The following WDR49 variants were observed in gnomAD, a reference collection of about 807,000 sequenced individuals.
WDR49 encodes the protein WD repeat domain 49.
Under a neutral mutation model 119.5 loss-of-function variants are expected in WDR49, and 107 were observed. That is an observed-to-expected ratio of 0.90 (90% CI 0.77 to 1.05). WDR49 has a LOEUF of 1.05. WDR49 is among the 50% of genes least tolerant of loss of function. The pLI is 0.00. For synonymous variants in WDR49, 425 were observed against 418.8 expected, an observed-to-expected ratio of 1.01 and a Z score of -0.18; for missense variants, 1,240 against 1,220.5, an observed-to-expected ratio of 1.02 and a Z score of -0.24.
intron 8 of WDR49, among the ~76,000 whole-genome samples, chr3:167,568,944 A>T (rs1053919091): frequency 6.2e-5 from 9 of 145,510 alleles, no homozygotes; most frequent in African/African-American, 2.3e-4. Flanking sequence ...ACTACAGTTA[A>T]TTTTTTTTTT....
chr3:167,483,131 T>C (rs939963211), intron 18 of WDR49, among the ~76,000 whole-genome samples: 8 of 152,152 alleles, frequency 5.3e-5, no homozygotes, highest in African/African-American at 1.9e-4. Context: ...AATGAATAAA[T>C]CTGCAACTGG....
chr3:167,616,697 T>C (rs531956823), intron 5 of WDR49, among the ~76,000 whole-genome samples: 2 of 152,196 alleles, frequency 1.3e-5, no homozygotes, highest in Admixed American at 6.5e-5. Flanking sequence ...CCAAGTTTAA[T>C]GAAAACTACA....
intron 5 of WDR49, among the ~76,000 whole-genome samples, chr3:167,608,696 G>T (rs1425300877): frequency 6.6e-6 from 1 of 152,162 alleles, no homozygotes; most frequent in Non-Finnish European, 1.5e-5. Flanking sequence ...GTAAGGAAAT[G>T]ATAGGTTATG....
intron 2 of WDR49, 57 bp downstream of exon 2, chr3:167,653,204 A>G: frequency 1.5e-5 from 22 of 1,515,484 alleles, no homozygotes; most frequent in Non-Finnish European, 1.9e-5. Flanking sequence ...TCTGTGTTTC[A>G]TTCTAGGCTC....
At chr3:167,494,526 G>A (rs1032887091) in intron 18 of WDR49, among the ~76,000 whole-genome samples, 4 of 152,048 alleles carry the variant, frequency 2.6e-5, no homozygotes, top group Admixed American at 6.6e-5. Flanking sequence ...TCAGAAGGCC[G>A]TGGAAGCAGT....
intron 8 of WDR49, among the ~76,000 whole-genome samples, chr3:167,569,023 AC>A (rs1266965799): frequency 6.6e-6 from 1 of 151,766 alleles, no homozygotes; most frequent in African/African-American, 2.4e-5. Flanking sequence ...GCTCACTGTA[AC>A]CTCTGGCTCC....
chr3:167,531,102 A>G lies in WDR49; in HGVS notation c.2218+13T>C. 1.2e-6 allele frequency: 2 copies of G among 1,602,792 alleles called. No homozygotes were observed. Among genetic ancestry groups the G allele is most frequent in the Middle Eastern group, 3.5e-4 (2 of 5,774 alleles). ...CTTTCCAACTATATGTAAAATGTAA[A>G]TATATATTTTACCTGTCACTGCAGT... is the stretch of plus-strand genomic sequence containing the variant. On this transcript the variant is annotated intron_variant, in intron 13 of 18. Coordinates refer to ENST00000682715, the MANE Select transcript of WDR49 (RefSeq NM_001366157.1).
rs1182401378 is a variant in WDR49, at chr3:167,620,610, A to C, written c.784-7T>G. The C allele has an allele frequency of 3.3e-6, 5 of 1,526,632 alleles. No individual in the cohort carries two copies. Among genetic ancestry groups the C allele is most frequent in the Non-Finnish European group, 4.4e-6 (5 of 1,141,234 alleles). The allele number at this position is 1,526,632 out of a possible 1,614,324, so 94.6% of individuals were successfully genotyped here. Reference sequence around the variant, plus strand: ...TGAAAGCAATTGCTTGAACCTTGACAGAGACATTGAAAGAACAACAATCGT... The same window carrying C: ...TGAAAGCAATTGCTTGAACCTTGACCGAGACATTGAAAGAACAACAATCGT... On this transcript the variant is annotated splice_polypyrimidine_tract_variant and splice_region_variant and intron_variant, in intron 4 of 18. Coordinates refer to ENST00000682715, the MANE Select transcript of WDR49 (RefSeq NM_001366157.1).
chr3:167,582,031 CGTGTGTGTGT>C (rs57233824), intron 7 of WDR49, among the ~76,000 whole-genome samples: 22 of 142,340 alleles, frequency 1.5e-4, no homozygotes, highest in Admixed American at 3.6e-4. Context: ...GGCATGCTTC[CGTGTGTGTGT>C]GTGTGTGTGT....
rs1364653678 is a variant in WDR49 at position 167,490,429 on chromosome 3, A to T, written c.3031+9724T>A. On this transcript the variant is annotated intron_variant, in intron 18 of 18. Transcript: ENST00000682715. ...TGTTCATTCTGGATGTTTAGTATCC[A>T]AAAGGTCCTGAGGTGAGCCATGTGT... is the stretch of plus-strand genomic sequence containing the variant. 2.6e-5 allele frequency among the ~76,000 whole-genome samples: 4 copies of T among 152,152 alleles called. No homozygotes were observed. In the East Asian group the frequency reaches 7.7e-4, roughly 29 times the overall value.
intron 2 of WDR49, among the ~76,000 whole-genome samples, chr3:167,634,682 A>G (rs1414191129): frequency 2.0e-5 from 3 of 151,238 alleles, no homozygotes; most frequent in African/African-American, 7.3e-5. Flanking sequence ...GCAAAACTTT[A>G]AAAAAAAACC....
At chr3:167,514,668 CA>C (rs1462355413) in intron 16 of WDR49, among the ~76,000 whole-genome samples, 39 of 141,474 alleles carry the variant, frequency 2.8e-4, no homozygotes, top group Middle Eastern at 3.7e-3. Context: ...CACACACACA[CA>C]CCCTTCAAAA....
intron 8 of WDR49, among the ~76,000 whole-genome samples, chr3:167,567,184 G>A (rs964425645): frequency 1.3e-5 from 2 of 152,210 alleles, no homozygotes; most frequent in Admixed American, 1.3e-4. Flanking sequence ...TAATCAGAAC[G>A]CTTCTGCCAG....
At chr3:167,573,494 T>C (rs1714061029) in intron 8 of WDR49, among the ~76,000 whole-genome samples, 1 of 151,488 alleles carries the variant, frequency 6.6e-6, no homozygotes, top group East Asian at 1.9e-4. Context: ...TAGGGAGACA[T>C]TAAAACACAA....
At chr3:167,591,680 G>A (rs557352758) in intron 7 of WDR49, among the ~76,000 whole-genome samples, 1 of 151,980 alleles carries the variant, frequency 6.6e-6, no homozygotes, top group Admixed American at 6.6e-5. Context: ...TATAGGTTTG[G>A]CCTGAAATCT....
chr3:167,541,216 A>G (rs962457582), intron 10 of WDR49, among the ~76,000 whole-genome samples: 1 of 152,302 alleles, frequency 6.6e-6, no homozygotes, highest in Admixed American at 6.5e-5. Context: ...TGGGAAATTC[A>G]TCACAAAAAG....
chr3:167,600,308 T>C (rs1715699943), intron 7 of WDR49, among the ~76,000 whole-genome samples: 1 of 152,072 alleles, frequency 6.6e-6, no homozygotes, highest in South Asian at 2.1e-4. Context: ...TTTTAGCCCA[T>C]CTCAGGCACT....
upstream of WDR49, among the ~76,000 whole-genome samples, chr3:167,655,530 GA>G: frequency 6.6e-6 from 1 of 151,932 alleles, no homozygotes; most frequent in East Asian, 1.9e-4. Flanking sequence ...ACCCATTATA[GA>G]AAAAAATGAA....
At chr3:167,574,504 ATTAT>A (rs1714130375) in intron 8 of WDR49, among the ~76,000 whole-genome samples, 1 of 152,180 alleles carries the variant, frequency 6.6e-6, no homozygotes, top group Admixed American at 6.5e-5. Context: ...AATGCTTATC[ATTAT>A]TTATGTTATT....
Sources: allele counts gnomAD v4.1 joint callset (sites outside exome capture counted in the v4.1 genomes callset), GRCh38; gene constraint gnomAD v4.1.1; transcripts MANE v1.5; gene names NCBI Gene and HGNC (gene_info 2026-07-23, HGNC 2026-07-21).